USP13: variants seen among roughly 807,000 people sequenced by gnomAD.
The protein encoded by USP13 is ubiquitin specific peptidase 13.
USP13 carries 68 observed loss-of-function variants against 107.8 expected under a neutral mutation model. The ratio of observed to expected loss-of-function variants is 0.63; its 90% CI spans 0.52 to 0.77. The LOEUF is 0.77. USP13 is among the 30% of genes least tolerant of loss of function. The probability of loss-of-function intolerance (pLI) is 0.00; values close to 1 mark genes in which losing one functional copy is unlikely to be tolerated. For missense variants in USP13, 945 were observed against 1,093.3 expected, an observed-to-expected ratio of 0.86 and a Z score of 1.91; for synonymous variants, 377 against 389.5, an observed-to-expected ratio of 0.97 and a Z score of 0.38.
At chr3:179,717,519 C>A (rs904965775) in intron 6 of USP13, among the ~76,000 whole-genome samples, 1 of 152,166 alleles carries the variant, frequency 6.6e-6, no homozygotes, top group Non-Finnish European at 1.5e-5. Context: ...TCACTTATTT[C>A]AAAATCCTAG....
intron 1 of USP13, among the ~76,000 whole-genome samples, chr3:179,674,834 T>C (rs1720849008): frequency 6.6e-5 from 10 of 152,196 alleles, no homozygotes; most frequent in Admixed American, 6.5e-4. Context: ...TTAATATGCC[T>C]ACTTAAGGGG....
At chr3:179,688,087 A>T (rs909137422) in intron 2 of USP13, among the ~76,000 whole-genome samples, 1 of 114,830 alleles carries the variant, frequency 8.7e-6, no homozygotes, top group Admixed American at 9.8e-5. Flanking sequence ...ATATCCATCC[A>T]TCCATCCATC....
At chr3:179,676,494 G>A (rs1720895283) in intron 1 of USP13, among the ~76,000 whole-genome samples, 1 of 152,130 alleles carries the variant, frequency 6.6e-6, no homozygotes, top group Non-Finnish European at 1.5e-5. Context: ...GCTTGATTGT[G>A]GGCTGTATAC....
chr3:179,754,923 C>A, intron 15 of USP13, 69 bp downstream of exon 15: 1 of 1,507,924 alleles, frequency 6.6e-7, no homozygotes, highest in Non-Finnish European at 8.9e-7. Context: ...TCTCTTTCTT[C>A]CACCACTGTG....
At chr3:179,690,611 C>T (rs1326866083) in intron 3 of USP13, among the ~76,000 whole-genome samples, 2 of 152,172 alleles carry the variant, frequency 1.3e-5, no homozygotes, top group African/African-American at 2.4e-5. Context: ...CTGGCTCTCT[C>T]GCCTAGGCTG....
At position 179,721,262 on chromosome 3, in the gene USP13, T is replaced by A; in HGVS notation, c.901-140T>A. ...ACCATCACCGTCTCTCAGTCTTTTTTATTTGCATTGTTTATTTCTCTATGT... is the reference window on the plus strand; with the variant it reads ...ACCATCACCGTCTCTCAGTCTTTTTAATTTGCATTGTTTATTTCTCTATGT... On this transcript the variant is annotated intron_variant, in intron 7 of 20. Coordinates refer to ENST00000263966, the MANE Select transcript of USP13 (RefSeq NM_003940.3). The surrounding 1 kb of genome is among the most constrained non-coding windows in gnomAD (Gnocchi z 4.3). 1 of 871,624 alleles carries A rather than the reference T, an allele frequency of 1.1e-6. No homozygotes were observed. Among genetic ancestry groups the A allele is most frequent in the South Asian group, 1.9e-5 (1 of 51,370 alleles). The allele number at this position is 871,624 out of a possible 1,614,324, so 54.0% of individuals were successfully genotyped here. A position where few individuals can be genotyped will look rare whatever the true frequency, so the allele number is the denominator to read the frequency against.
Position 179,754,830 on chromosome 3 carries a change from A to G in USP13, c.1897A>G (p.Ile633Val), listed in dbSNP as rs755315725. ...AGAACTTCCAGACATCAGCCCCCCC[A>G]TAGTCATTCCTGATGACTCAAAAGG... Reference protein sequence around the residue: ...EEELPDISPPIVIPDDSKDRL... With the variant: ...EEELPDISPPVVIPDDSKDRL... Residue 633 changes from isoleucine to valine, a missense_variant, in exon 15 of 21, where the codon ATA (isoleucine) becomes GTA (valine). Physicochemically the swap from Ile to Val is conservative, Grantham distance 29. Coordinates refer to ENST00000263966, the MANE Select transcript of USP13 (RefSeq NM_003940.3). 3 of 1,612,448 alleles carry G rather than the reference A, an allele frequency of 1.9e-6. No individual in the cohort carries two copies. The highest frequency in any genetic ancestry group is 2.5e-6 in the Non-Finnish European group (3 of 1,179,404).
chr3:179,690,171 A>G, intron 2 of USP13, 70 bp from the exon 3 acceptor site: 2 of 1,446,204 alleles, frequency 1.4e-6, no homozygotes, highest in Non-Finnish European at 1.9e-6. Context: ...AACCTCTGAG[A>G]TGTGCTTTTC....
intron 6 of USP13, among the ~76,000 whole-genome samples, chr3:179,718,126 A>C (rs1228949180): frequency 6.6e-6 from 1 of 151,762 alleles, no homozygotes; most frequent in African/African-American, 2.4e-5. Context: ...CTTCATATTC[A>C]TTTTCCTTGT....
chr3:179,706,995 A>T lies in USP13; in HGVS notation c.539A>T (p.Asp180Val). 6.2e-7 allele frequency: 1 copy of T among 1,614,174 alleles called. No homozygotes were observed. The highest frequency in any genetic ancestry group is 8.5e-7 in the Non-Finnish European group (1 of 1,180,022). Reference sequence around the variant, plus strand: ...TCTCCATACAGAAAGCAGGACCCAGACACGTGGGAAAATGAATTGCCAGTA... The same window carrying T: ...TCTCCATACAGAAAGCAGGACCCAGTCACGTGGGAAAATGAATTGCCAGTA... Reference protein sequence around the residue: ...SKSPYRKQDPDTWENELPVSK... With the variant: ...SKSPYRKQDPVTWENELPVSK... The change falls in exon 5 of 21, where the codon GAC (aspartate) becomes GTC (valine). Residue 180 changes from aspartate to valine, a missense_variant. Physicochemically the swap from Asp to Val is radical, Grantham distance 152. Transcript: ENST00000263966.
At chr3:179,681,500 C>T (rs1428216391) in intron 1 of USP13, among the ~76,000 whole-genome samples, 1 of 152,140 alleles carries the variant, frequency 6.6e-6, no homozygotes, top group Admixed American at 6.5e-5. Context: ...CTTAAACTAT[C>T]ACAAAGAGAT....
Position 179,721,014 on chromosome 3 carries a change from GCTCAGGTGGGT to G in USP13, c.901-384_901-374del, listed in dbSNP as rs1354122984. On this transcript the variant is annotated intron_variant, in intron 7 of 20. Transcript: ENST00000263966. This position sits in a 1 kb window ranked among gnomAD's most constrained non-coding sequence, Gnocchi z 4.3. ...AGTAGAGACGGGGTTTTGCTATGTTGCTCAGGTGGGTCTCGAACTCCTGACTTCAGGTGATC... is the reference window on the plus strand; with the variant it reads ...AGTAGAGACGGGGTTTTGCTATGTTGCTCGAACTCCTGACTTCAGGTGATC... Among the ~76,000 whole-genome samples the G allele has an allele frequency of 6.6e-6, 1 of 152,052 alleles. No individual in the cohort carries two copies. Among genetic ancestry groups the G allele is most frequent in the East Asian group, 1.9e-4 (1 of 5,192 alleles).
intron 1 of USP13, among the ~76,000 whole-genome samples, chr3:179,667,241 A>G (rs1383158129): frequency 6.7e-6 from 1 of 148,698 alleles, no homozygotes; most frequent in Non-Finnish European, 1.5e-5. Context: ...TCTCCCCAAC[A>G]GTGAAAGCTT....
At chr3:179,744,343 G>GTT (rs3216643) in intron 12 of USP13, among the ~76,000 whole-genome samples, 16 of 121,132 alleles carry the variant, frequency 1.3e-4, no homozygotes, top group African/African-American at 3.4e-4. Context: ...TGGTGGTTCT[G>GTT]TTTTTTTTTT....
chr3:179,764,989 T>C (rs1438546691), intron 18 of USP13, among the ~76,000 whole-genome samples: 1 of 152,234 alleles, frequency 6.6e-6, no homozygotes, highest in Admixed American at 6.5e-5. Context: ...TGGGGTACTT[T>C]CTTGTGCTCC....
chr3:179,774,224 T>C lies in USP13; in HGVS notation c.2414-7515T>C, dbSNP rs936666827. The stretch of plus-strand genomic sequence containing the variant: ...AACTAATAGAGTGAGAACTCACTTA[T>C]TACCAGGAGAGGGCACCAAGGTATT... On this transcript the variant is annotated intron_variant, in intron 19 of 20. Transcript: ENST00000263966. 2.0e-5 allele frequency among the ~76,000 whole-genome samples: 3 copies of C among 152,158 alleles called. No homozygotes were observed. The East Asian group carries it at 5.8e-4, about 29-fold the overall frequency.
chr3:179,661,516 G>T (rs1376252141), intron 1 of USP13, among the ~76,000 whole-genome samples: 1 of 151,844 alleles, frequency 6.6e-6, no homozygotes, highest in East Asian at 1.9e-4. Flanking sequence ...GACCTGGCTG[G>T]GCTGTTTCTT....
intron 14 of USP13, 102 bp from the exon 15 acceptor site, chr3:179,754,630 C>T (rs917533039): frequency 5.9e-6 from 8 of 1,359,494 alleles, no homozygotes; most frequent in Non-Finnish European, 7.7e-6. Context: ...TGAAAAACAT[C>T]CCTTAGCTCT....
chr3:179,746,593 C>T (rs903730188), intron 13 of USP13, among the ~76,000 whole-genome samples: 35 of 152,124 alleles, frequency 2.3e-4, no homozygotes, highest in Non-Finnish European at 3.5e-4. Context: ...CCACCATGCC[C>T]GGCTAGTTTT....
Sources: gnomAD v4.1 joint callset for allele counts (sites outside exome capture counted in the v4.1 genomes callset) on GRCh38, gnomAD v4.1.1 for gene constraint, Gnocchi (gnomAD v3.1) non-coding constraint, MANE v1.5 for transcripts, NCBI Gene and HGNC (gene_info 2026-07-23, HGNC 2026-07-21) for gene names.